Variants in SGCZ observed in about 807,000 individuals in gnomAD.
The protein encoded by SGCZ is zeta-sarcoglycan.
A neutral mutation model predicts 41.3 loss-of-function variants in SGCZ; 40 were observed. The ratio of observed to expected loss-of-function variants is 0.97; its 90% confidence interval spans 0.75 to 1.26. The LOEUF (loss-of-function observed/expected upper bound fraction) is 1.26. Ranked by LOEUF, SGCZ falls within the 50% of genes most tolerant of loss-of-function variation. SGCZ has a pLI of 0.00. For synonymous variants in SGCZ, 206 were observed against 137.5 expected (o/e 1.50, Z -3.49); for missense variants, 552 against 369.8 (o/e 1.49, Z -4.04).
chr8:14,703,089 A>C (rs1206840846), intron 1 of SGCZ, among the ~76,000 whole-genome samples: 1 of 151,978 alleles, frequency 6.6e-6, no homozygotes, highest in Non-Finnish European at 1.5e-5. Context: ...CCAATAGTAC[A>C]TTGTAAGAGC....
intron 5 of SGCZ, among the ~76,000 whole-genome samples, chr8:14,151,156 T>A (rs1803696890): frequency 1.3e-5 from 2 of 152,118 alleles, no homozygotes; most frequent in East Asian, 3.9e-4. Flanking sequence ...TTGCACATTT[T>A]AAAATGTATC....
At position 14,085,985 on chromosome 8, in the gene SGCZ, A is replaced by G. The variant is rs1311571158; in HGVS notation, c.*4458T>C. 6.6e-6 allele frequency among the ~76,000 whole-genome samples: 1 copy of G among 151,784 alleles called. No individual in the cohort carries two copies. On this transcript the variant is annotated 3_prime_UTR_variant, in exon 8 of 8. Transcript: ENST00000382080. Reference sequence around the variant, plus strand: ...AAAACAACATGAATAACAGTGTTCAATTAAATTATTGATTAGTTTATGATT... The same window carrying G: ...AAAACAACATGAATAACAGTGTTCAGTTAAATTATTGATTAGTTTATGATT...
chr8:14,896,365 A>T (rs1003535441), intron 1 of SGCZ, among the ~76,000 whole-genome samples: 1 of 152,056 alleles, frequency 6.6e-6, no homozygotes, highest in Non-Finnish European at 1.5e-5. Flanking sequence ...AATGGCACTG[A>T]CTCTGGTGTC....
intron 1 of SGCZ, among the ~76,000 whole-genome samples, chr8:14,737,604 T>A (rs757946236): frequency 6.6e-6 from 1 of 152,122 alleles, no homozygotes; most frequent in Non-Finnish European, 1.5e-5. Flanking sequence ...AAGTCTAAGA[T>A]CAAGGTATTG....
intron 1 of SGCZ, among the ~76,000 whole-genome samples, chr8:14,763,768 C>T (rs972680488): frequency 7.9e-5 from 12 of 152,040 alleles, no homozygotes; most frequent in African/African-American, 2.7e-4. Context: ...TATCATATAG[C>T]CTTAGTTCTA....
At chr8:15,070,583 GC>G (rs1199913788) in intron 1 of SGCZ, among the ~76,000 whole-genome samples, 1 of 152,124 alleles carries the variant, frequency 6.6e-6, no homozygotes, top group African/African-American at 2.4e-5. Flanking sequence ...GGGCCCATGG[GC>G]CTTCCAGAAA....
chr8:14,555,877 T>C (rs1804020808), intron 1 of SGCZ, among the ~76,000 whole-genome samples: 1 of 152,100 alleles, frequency 6.6e-6, no homozygotes, highest in Non-Finnish European at 1.5e-5. Flanking sequence ...CAGAATTATG[T>C]TGGTTATTTT....
Position 14,962,567 on chromosome 8 carries a change from A to G in SGCZ, c.39+275018T>C, listed in dbSNP as rs183771862. On this transcript the variant is annotated intron_variant, in intron 1 of 7. Transcript: ENST00000382080. ...GTTACTGGTTTCTCTGTATTTTATT[A>G]GTTAAATATAAACATATTTTCTGAT... Among the ~76,000 whole-genome samples the G allele has an allele frequency of 8.5e-5, 13 of 152,338 alleles. No individual in the cohort carries two copies. The East Asian group carries it at 2.5e-3, about 29-fold the overall frequency.
intron 1 of SGCZ, among the ~76,000 whole-genome samples, chr8:14,612,528 T>C (rs1017567402): frequency 6.6e-6 from 1 of 151,958 alleles, no homozygotes; most frequent in Admixed American, 6.6e-5. Context: ...AATACAGAGG[T>C]TTATGGAATT....
chr8:14,713,081 A>G (rs966670415), intron 1 of SGCZ, among the ~76,000 whole-genome samples: 1 of 152,164 alleles, frequency 6.6e-6, no homozygotes, highest in Non-Finnish European at 1.5e-5. Context: ...AACAGTTCTA[A>G]GCCTATTAAA....
intron 2 of SGCZ, among the ~76,000 whole-genome samples, chr8:14,447,551 C>A (rs1481211911): frequency 6.6e-6 from 1 of 152,098 alleles, no homozygotes; most frequent in African/African-American, 2.4e-5. Context: ...CCCTCAAAAG[C>A]ATTACAACAT....
chr8:14,955,026 T>A (rs1019203057), intron 1 of SGCZ, among the ~76,000 whole-genome samples: 1 of 152,214 alleles, frequency 6.6e-6, no homozygotes, highest in African/African-American at 2.4e-5. Context: ...TTATTTCATA[T>A]TGAATTAACA....
chr8:14,504,372 C>A (rs1439041829), intron 2 of SGCZ, among the ~76,000 whole-genome samples: 1 of 152,122 alleles, frequency 6.6e-6, no homozygotes, highest in Non-Finnish European at 1.5e-5. Flanking sequence ...TGCTCCAAAT[C>A]GTGATTAAGG....
chr8:14,668,747 T>C (rs1412073492), intron 1 of SGCZ, among the ~76,000 whole-genome samples: 1 of 152,142 alleles, frequency 6.6e-6, no homozygotes, highest in African/African-American at 2.4e-5. Context: ...TGAGTGAAAA[T>C]GCCAACATCA....
chr8:15,208,206 G>C (rs990579688), intron 1 of SGCZ, among the ~76,000 whole-genome samples: 10 of 152,192 alleles, frequency 6.6e-5, no homozygotes, highest in African/African-American at 2.2e-4. Context: ...GTAATCCTCA[G>C]GGTTTGCTGG....
chr8:14,348,102 C>T (rs1248830970), intron 2 of SGCZ, among the ~76,000 whole-genome samples: 1 of 152,030 alleles, frequency 6.6e-6, no homozygotes, highest in East Asian at 1.9e-4. Flanking sequence ...CCAAGGATTA[C>T]TTCAAGGTGG....
intron 1 of SGCZ, among the ~76,000 whole-genome samples, chr8:14,928,865 G>T (rs1799842035): frequency 6.6e-6 from 1 of 152,052 alleles, no homozygotes; most frequent in Admixed American, 6.6e-5. Flanking sequence ...GAAATGAATG[G>T]ATAATGTGCC....
intron 1 of SGCZ, among the ~76,000 whole-genome samples, chr8:15,083,057 C>G (rs1416869516): frequency 1.3e-5 from 2 of 152,036 alleles, no homozygotes; most frequent in African/African-American, 4.8e-5. Context: ...AGCTTATGAA[C>G]TAATAGTCGT....
chr8:15,173,279 T>C (rs1799902703), intron 1 of SGCZ, among the ~76,000 whole-genome samples: 1 of 152,220 alleles, frequency 6.6e-6, no homozygotes, highest in Non-Finnish European at 1.5e-5. Flanking sequence ...ATTCACATTA[T>C]TGTGAAACAG....
Sources: gnomAD v4.1 joint callset for allele counts (sites outside exome capture counted in the v4.1 genomes callset) on GRCh38, gnomAD v4.1.1 for gene constraint, MANE v1.5 for transcripts, NCBI Gene and HGNC (gene_info 2026-07-23, HGNC 2026-07-21) for gene names.